Variants in PDE4B observed in about 807,000 individuals in gnomAD.
PDE4B encodes phosphodiesterase 4B, also known as 3',5'-cyclic-AMP phosphodiesterase 4B.
In PDE4B, 20 loss-of-function variants were observed where a neutral mutation model predicts 82.2. The ratio of observed to expected loss-of-function variants is 0.24; its 90% CI spans 0.17 to 0.35. The LOEUF (loss-of-function observed/expected upper bound fraction) is 0.35, where lower values mean the gene tolerates loss of function less well. Ranked by LOEUF, PDE4B falls within the 10% of genes least tolerant of loss-of-function variation. The probability of loss-of-function intolerance (pLI) is 1.00; values close to 1 mark genes in which losing one functional copy is unlikely to be tolerated. For missense variants in PDE4B, 655 were observed against 907.2 expected (o/e 0.72, Z 3.57); for synonymous variants, 320 against 318.9 (o/e 1.00, Z -0.04).
chr1:66,054,803 C>T (rs1049463028), intron 3 of PDE4B, among the ~76,000 whole-genome samples: 1 of 152,172 alleles, frequency 6.6e-6, no homozygotes, highest in Non-Finnish European at 1.5e-5. Flanking sequence ...CCAGTTTCCT[C>T]TTCTGTCATG....
chr1:65,876,191 A>G (rs1431843336), intron 1 of PDE4B, among the ~76,000 whole-genome samples: 1 of 152,058 alleles, frequency 6.6e-6, no homozygotes, highest in Non-Finnish European at 1.5e-5. Context: ...ATAATAATCA[A>G]ATTATTTTAT....
chr1:65,893,614 T>A (rs1646876390), intron 1 of PDE4B, among the ~76,000 whole-genome samples: 1 of 151,982 alleles, frequency 6.6e-6, no homozygotes, highest in Non-Finnish European at 1.5e-5. Flanking sequence ...AAAATAAAAC[T>A]ACCATTCAAT....
chr1:66,041,749 G>T, intron 3 of PDE4B, among the ~76,000 whole-genome samples: 1 of 148,110 alleles, frequency 6.8e-6, no homozygotes, highest in Non-Finnish European at 1.5e-5. Context: ...TCTCTTTCTG[G>T]GTCATGAATA....
chr1:65,914,616 A>AG (rs1345802768), intron 2 of PDE4B, among the ~76,000 whole-genome samples: 1 of 151,978 alleles, frequency 6.6e-6, no homozygotes, highest in Non-Finnish European at 1.5e-5. Context: ...AAAAAAAAAA[A>AG]AAGGCTTGTG....
At chr1:66,019,711 A>T (rs1444960138) in intron 3 of PDE4B, among the ~76,000 whole-genome samples, 1 of 152,196 alleles carries the variant, frequency 6.6e-6, no homozygotes, top group African/African-American at 2.4e-5. Flanking sequence ...CCGGTATTCC[A>T]TAAGAGTTCC....
intron 3 of PDE4B, among the ~76,000 whole-genome samples, chr1:66,194,013 T>A (rs1021102324): frequency 1.3e-5 from 2 of 150,336 alleles, no homozygotes; most frequent in East Asian, 3.9e-4. Flanking sequence ...TAACTGACAA[T>A]CTCACCTGTC....
At chr1:66,097,598 A>T (rs985221165) in intron 3 of PDE4B, among the ~76,000 whole-genome samples, 1 of 151,528 alleles carries the variant, frequency 6.6e-6, no homozygotes, top group African/African-American at 2.4e-5. Flanking sequence ...TTCATTGCAG[A>T]TTTTCTTCTC....
rs569504271 is a variant in PDE4B, at chr1:65,845,945, C to A, written c.-71+52697C>A. Among the ~76,000 whole-genome samples, 3 of 152,176 alleles carry A rather than the reference C, an allele frequency of 2.0e-5. No homozygotes were observed. The South Asian group carries it at 6.2e-4, about 32-fold the overall frequency. On this transcript the variant is annotated intron_variant, in intron 1 of 16. Coordinates refer to ENST00000341517, the MANE Select transcript of PDE4B (RefSeq NM_002600.4). ...TAAATTACCATCTTGTTCTTCAAAG[C>A]CACACTGTATCTTAGTATCTTTAAG... is the stretch of plus-strand genomic sequence containing the variant.
intron 3 of PDE4B, among the ~76,000 whole-genome samples, chr1:66,058,185 T>C (rs547754759): frequency 1.3e-5 from 2 of 152,300 alleles, no homozygotes; most frequent in South Asian, 4.1e-4. Context: ...CCAAATGATC[T>C]CCTTTGACTT....
rs557051556 is a variant in PDE4B at position 66,230,667 on chromosome 1, A to G, written c.282-16793A>G. Among the ~76,000 whole-genome samples the G allele has an allele frequency of 7.9e-5, 12 of 152,228 alleles. 1 individual carries two copies. In the South Asian group the frequency reaches 2.3e-3, roughly 29 times the overall value. ...GACAAAACAGAAAATTCTTACGTCT[A>G]AATTCAATTTTTGTTGTAAGAACAA... On this transcript the variant is annotated intron_variant, in intron 3 of 16. Transcript: ENST00000341517.
intron 1 of PDE4B, among the ~76,000 whole-genome samples, chr1:65,800,070 A>G (rs576265852): frequency 6.6e-6 from 1 of 152,202 alleles, no homozygotes; most frequent in Non-Finnish European, 1.5e-5. Context: ...CATCTGCTGT[A>G]TATACTGGGG....
At chr1:66,223,531 C>T (rs1232740750) in intron 3 of PDE4B, among the ~76,000 whole-genome samples, 1 of 152,146 alleles carries the variant, frequency 6.6e-6, no homozygotes, top group Non-Finnish European at 1.5e-5. Context: ...CTTCCCTAAC[C>T]TTTCCACAGT....
At chr1:66,037,382 A>T (rs1308681814) in intron 3 of PDE4B, among the ~76,000 whole-genome samples, 1 of 152,060 alleles carries the variant, frequency 6.6e-6, no homozygotes, top group Non-Finnish European at 1.5e-5. Flanking sequence ...TGCTATTATA[A>T]ATAGGATTGT....
chr1:66,165,869 T>C lies in PDE4B; in HGVS notation c.282-81591T>C, dbSNP rs559952850. Among the ~76,000 whole-genome samples, 12 of 152,224 alleles carry C rather than the reference T, an allele frequency of 7.9e-5. 1 individual carries two copies. The South Asian group carries it at 8.3e-4, about 11-fold the overall frequency. ...TTATCAAAATTCCAGTTGCTTTCTT[T>C]TTTTTGGAGAAATTGACAAGCTGAT... is the stretch of plus-strand genomic sequence containing the variant. On this transcript the variant is annotated intron_variant, in intron 3 of 16. Transcript: ENST00000341517.
At chr1:66,033,282 G>T (rs1653890904) in intron 3 of PDE4B, among the ~76,000 whole-genome samples, 1 of 152,006 alleles carries the variant, frequency 6.6e-6, no homozygotes. Flanking sequence ...GAGAAGTCTG[G>T]GAGAAACCAT....
chr1:66,228,666 G>T (rs79296480), intron 3 of PDE4B, among the ~76,000 whole-genome samples: 5 of 151,548 alleles, frequency 3.3e-5, no homozygotes, highest in African/African-American at 1.2e-4. Flanking sequence ...ACTAAACAGG[G>T]CTTTATTTGT....
chr1:66,171,562 A>C (rs1646836921), intron 3 of PDE4B, among the ~76,000 whole-genome samples: 1 of 152,186 alleles, frequency 6.6e-6, no homozygotes, highest in African/African-American at 2.4e-5. Flanking sequence ...GTGCCTATTA[A>C]TATCTCAGTG....
At chr1:65,813,992 G>A (rs142490926) in intron 1 of PDE4B, among the ~76,000 whole-genome samples, 288 of 151,906 alleles carry the variant, frequency 1.9e-3, no homozygotes, top group African/African-American at 6.6e-3. Flanking sequence ...GTGTATGTGA[G>A]CTTTAAGCCA....
At chr1:65,931,504 A>G (rs1012911467) in intron 3 of PDE4B, among the ~76,000 whole-genome samples, 2 of 152,230 alleles carry the variant, frequency 1.3e-5, no homozygotes, top group African/African-American at 4.8e-5. Context: ...TTCAGTATAC[A>G]GAGTTAACAT....
Sources: allele counts gnomAD v4.1 joint callset (sites outside exome capture counted in the v4.1 genomes callset), GRCh38; gene constraint gnomAD v4.1.1; transcripts MANE v1.5; gene names NCBI Gene and HGNC (gene_info 2026-07-23, HGNC 2026-07-21).